Variants in EYS observed in about 807,000 individuals in gnomAD.
EYS encodes the protein protein eyes shut homolog.
EYS carries 250 observed loss-of-function variants against 282.1 expected under a neutral mutation model. The observed-to-expected ratio is 0.89, with a 90% CI of 0.80 to 0.98. The LOEUF (loss-of-function observed/expected upper bound fraction) is 0.98. EYS is among the 50% of genes least tolerant of loss of function. EYS has a pLI of 0.00. For synonymous variants in EYS, 1,355 were observed against 1,282.9 expected (o/e 1.06, Z -1.20); for missense variants, 4,016 against 3,709.0 (o/e 1.08, Z -2.15).
Position 63,955,742 on chromosome 6 carries a change from C to A in EYS, c.7055+28641G>T, listed in dbSNP as rs567340604. Among the ~76,000 whole-genome samples the A allele has an allele frequency of 4.6e-5, 7 of 152,264 alleles. No homozygotes were observed. The East Asian group carries it at 1.4e-3, about 29-fold the overall frequency. On this transcript the variant is annotated intron_variant, in intron 35 of 42. Coordinates refer to ENST00000503581, the MANE Select transcript of EYS (RefSeq NM_001142800.2). Reference sequence around the variant, plus strand: ...CATAAAAAAAAACTCAAGGATACAGCCCAAAAAACTCACCAACCAAACAAG... The same window carrying A: ...CATAAAAAAAAACTCAAGGATACAGACCAAAAAACTCACCAACCAAACAAG...
intron 10 of EYS, among the ~76,000 whole-genome samples, chr6:65,342,267 AATT>A (rs1400101174): frequency 6.6e-6 from 1 of 151,080 alleles, no homozygotes; most frequent in African/African-American, 2.4e-5. Context: ...AATATTCTAT[AATT>A]ATGTCCTCAA....
chr6:65,244,233 ATTTC>A (rs1238749700), intron 12 of EYS, among the ~76,000 whole-genome samples: 1 of 152,152 alleles, frequency 6.6e-6, no homozygotes, highest in Non-Finnish European at 1.5e-5. Flanking sequence ...TTGGTACGAT[ATTTC>A]TTTTAGTCGT....
intron 19 of EYS, among the ~76,000 whole-genome samples, chr6:64,869,794 T>C (rs1304543548): frequency 6.6e-6 from 1 of 151,590 alleles, no homozygotes; most frequent in African/African-American, 2.4e-5. Context: ...TTGACTTTAT[T>C]CTAACAAAAA....
intron 5 of EYS, chr6:65,489,722 A>G (rs1387480965): frequency 4.6e-5 from 7 of 152,160 alleles, no homozygotes; most frequent in Non-Finnish European, 1.0e-4. Flanking sequence ...CTTGGAACTA[A>G]CCCAAATGTC....
intron 8 of EYS, among the ~76,000 whole-genome samples, chr6:65,365,365 T>C (rs888899306): frequency 6.6e-6 from 1 of 151,626 alleles, no homozygotes; most frequent in Non-Finnish European, 1.5e-5. Flanking sequence ...GAAATGATTA[T>C]GAAGAACTGA....
intron 5 of EYS, among the ~76,000 whole-genome samples, chr6:65,458,233 AC>A (rs1764699853): frequency 6.6e-6 from 1 of 152,168 alleles, no homozygotes; most frequent in South Asian, 2.1e-4. Flanking sequence ...AAAGTACTTT[AC>A]TGAATGTTTG....
chr6:64,460,887 T>C (rs935679374), intron 26 of EYS, among the ~76,000 whole-genome samples: 2 of 152,174 alleles, frequency 1.3e-5, no homozygotes, highest in Non-Finnish European at 2.9e-5. Flanking sequence ...TGATTTCTAC[T>C]ATTTACCAGC....
At chr6:64,862,477 T>C (rs986267081) in intron 19 of EYS, among the ~76,000 whole-genome samples, 6 of 152,186 alleles carry the variant, frequency 3.9e-5, no homozygotes, top group Non-Finnish European at 8.8e-5. Context: ...ATTTTCCATT[T>C]GACTCTTTCT....
At chr6:64,475,193 T>C (rs994511604) in intron 26 of EYS, among the ~76,000 whole-genome samples, 1 of 152,190 alleles carries the variant, frequency 6.6e-6, no homozygotes, top group African/African-American at 2.4e-5. Flanking sequence ...TATCATACAC[T>C]GTATTTCTGC....
chr6:65,055,751 T>G (rs1773393781), intron 13 of EYS, among the ~76,000 whole-genome samples: 1 of 152,068 alleles, frequency 6.6e-6, no homozygotes, highest in Admixed American at 6.6e-5. Context: ...GAAAATGTAC[T>G]TTTGAAAGGA....
chr6:64,763,811 T>A (rs1188316918), intron 22 of EYS, among the ~76,000 whole-genome samples: 1 of 151,932 alleles, frequency 6.6e-6, no homozygotes, highest in Admixed American at 6.6e-5. Flanking sequence ...ATCCTCCCAA[T>A]CTGAAAGGGA....
intron 36 of EYS, among the ~76,000 whole-genome samples, chr6:63,834,991 G>A (rs893045890): frequency 4.3e-5 from 6 of 139,060 alleles, no homozygotes; most frequent in African/African-American, 1.6e-4. Context: ...TCATAGGTGG[G>A]AATTGAACAA....
intron 41 of EYS, among the ~76,000 whole-genome samples, chr6:63,747,343 G>T (rs767820588): frequency 6.6e-6 from 1 of 152,134 alleles, no homozygotes; most frequent in Non-Finnish European, 1.5e-5. Context: ...TTTTGCATTT[G>T]CTGAGGAGTG....
Position 64,814,774 on chromosome 6 carries a change from T to TAAACC in EYS, c.3244-1202_3244-1198dup, listed in dbSNP as rs142008101. ...CCTAAAGATAATATCTTAATGAACC[T>TAAACC]AAACCAACTTGAATCATTTTGCACT... is the stretch of plus-strand genomic sequence containing the variant. On this transcript the variant is annotated intron_variant, in intron 21 of 42. Coordinates refer to ENST00000503581, the MANE Select transcript of EYS (RefSeq NM_001142800.2). Among the ~76,000 whole-genome samples, 236 of 152,140 alleles carry TAAACC rather than the reference T, an allele frequency of 1.6e-3. 4 individuals carry two copies. The highest frequency in any genetic ancestry group is 1.0e-4 in the Non-Finnish European group (7 of 67,948).
At chr6:63,784,549 A>G (rs1470602829) in intron 39 of EYS, among the ~76,000 whole-genome samples, 2 of 152,060 alleles carry the variant, frequency 1.3e-5, no homozygotes, top group Admixed American at 1.3e-4. Flanking sequence ...TACAGTCATG[A>G]TGGAAGGTGA....
chr6:65,218,847 T>C (rs998454174), intron 12 of EYS, among the ~76,000 whole-genome samples: 2 of 152,046 alleles, frequency 1.3e-5, no homozygotes, highest in Admixed American at 6.6e-5. Flanking sequence ...AATCTATCTT[T>C]TGTGGTCGGG....
At chr6:65,554,489 T>C (rs1768718855) in intron 2 of EYS, among the ~76,000 whole-genome samples, 1 of 152,180 alleles carries the variant, frequency 6.6e-6, no homozygotes, top group Admixed American at 6.5e-5. Context: ...CCATCTTGTT[T>C]TGAAAGATGC....
At chr6:64,120,838 C>T (rs986597334) in intron 31 of EYS, among the ~76,000 whole-genome samples, 1 of 152,150 alleles carries the variant, frequency 6.6e-6, no homozygotes, top group African/African-American at 2.4e-5. Flanking sequence ...TTTATTCTTT[C>T]ACAGTTTCCA....
intron 19 of EYS, among the ~76,000 whole-genome samples, chr6:64,857,048 G>T (rs1370615763): frequency 1.3e-5 from 2 of 152,064 alleles, no homozygotes; most frequent in Non-Finnish European, 2.9e-5. Context: ...CTATTTTATT[G>T]AGTTGCCTTT....
Sources: gnomAD v4.1 joint callset for allele counts (sites outside exome capture counted in the v4.1 genomes callset) on GRCh38, gnomAD v4.1.1 for gene constraint, MANE v1.5 for transcripts, NCBI Gene and HGNC (gene_info 2026-07-23, HGNC 2026-07-21) for gene names.